Variants in THADA observed in about 807,000 individuals in gnomAD.
THADA encodes the protein tRNA (32-2'-O)-methyltransferase regulator THADA.
A neutral mutation model predicts 219.8 loss-of-function variants in THADA; 213 were observed. The observed-to-expected ratio is 0.97, with a 90% CI of 0.87 to 1.09. The LOEUF is 1.09. THADA is among the 50% of genes least tolerant of loss of function. THADA has a pLI of 0.00. For missense variants in THADA, 2,956 were observed against 2,311.3 expected (o/e 1.28, Z -5.72); for synonymous variants, 1,018 against 828.9 (o/e 1.23, Z -3.92).
Position 43,293,125 on chromosome 2 carries a change from C to T in THADA, c.4527G>A (p.Val1509=), listed in dbSNP as rs756309393. The T allele has an allele frequency of 6.2e-7, 1 of 1,614,002 alleles. No homozygotes were observed. The highest frequency in any genetic ancestry group is 1.7e-5 in the Admixed American group (1 of 60,022). Residue 1509 remains valine (V), a synonymous_variant, in exon 32 of 38, where the codon GTG becomes GTA. Coordinates refer to ENST00000405975, the MANE Select transcript of THADA (RefSeq NM_022065.5). ...LITGFPWAFK[V]PGLPQYLQSL... ...TCTGGAGGTACTGGGGCAGGCCTGG[C>T]ACCTTGAAGGCCCAAGGGAATCCCG...
At chr2:43,376,871 T>A (rs780021972) in intron 29 of THADA, among the ~76,000 whole-genome samples, 1 of 152,166 alleles carries the variant, frequency 6.6e-6, no homozygotes, top group African/African-American at 2.4e-5. Context: ...GCAGCCAACA[T>A]TTCAAGAGCC....
At chr2:43,564,327 G>C (rs1306180779) in intron 15 of THADA, 1 of 152,238 alleles carries the variant, frequency 6.6e-6, no homozygotes, top group South Asian at 2.1e-4. Flanking sequence ...AAATCAAGGT[G>C]TCAGTAGGGC....
intron 26 of THADA, among the ~76,000 whole-genome samples, chr2:43,454,763 A>C (rs1042356009): frequency 6.6e-6 from 1 of 152,220 alleles, no homozygotes; most frequent in South Asian, 2.1e-4. Context: ...ATTTAAAAGA[A>C]AACTTTTAAA....
intron 28 of THADA, among the ~76,000 whole-genome samples, chr2:43,425,468 GTGT>G (rs1678311766): frequency 6.6e-6 from 1 of 151,448 alleles, no homozygotes; most frequent in Non-Finnish European, 1.5e-5. Context: ...GTGTGTGTGT[GTGT>G]GTGTGTGTGT....
chr2:43,347,364 A>C (rs926176582), intron 29 of THADA, among the ~76,000 whole-genome samples: 2 of 152,234 alleles, frequency 1.3e-5, no homozygotes, highest in African/African-American at 2.4e-5. Context: ...CCTCTCTTCC[A>C]GCCCCATTCC....
At chr2:43,449,037 A>G (rs1309549380) in intron 26 of THADA, among the ~76,000 whole-genome samples, 1 of 152,208 alleles carries the variant, frequency 6.6e-6, no homozygotes, top group East Asian at 1.9e-4. Context: ...TAAAACAAGT[A>G]TCTTGAAGCT....
chr2:43,381,517 G>A (rs1025893900), intron 29 of THADA, among the ~76,000 whole-genome samples: 3 of 152,032 alleles, frequency 2.0e-5, no homozygotes, highest in African/African-American at 4.8e-5. Context: ...AAGCTCTATA[G>A]TGGAGAAACC....
At chr2:43,527,602 A>G (rs1160342082) in intron 22 of THADA, among the ~76,000 whole-genome samples, 1 of 152,160 alleles carries the variant, frequency 6.6e-6, no homozygotes, top group Non-Finnish European at 1.5e-5. Flanking sequence ...ATTCAATAAA[A>G]AAAAAACAGT....
intron 31 of THADA, among the ~76,000 whole-genome samples, chr2:43,313,939 C>G (rs1677792975): frequency 6.6e-6 from 1 of 152,252 alleles, no homozygotes; most frequent in Non-Finnish European, 1.5e-5. Context: ...TCTCGCTATG[C>G]CTCAGTTTCT....
chr2:43,576,215 T>C (rs1198380660), intron 10 of THADA, among the ~76,000 whole-genome samples: 1 of 152,232 alleles, frequency 6.6e-6, no homozygotes, highest in Non-Finnish European at 1.5e-5. Flanking sequence ...TTGCATAATA[T>C]AGCTCAAATA....
chr2:43,414,320 T>C (rs1174386666), intron 28 of THADA, among the ~76,000 whole-genome samples: 3 of 152,238 alleles, frequency 2.0e-5, no homozygotes, highest in Non-Finnish European at 4.4e-5. Context: ...AGAAGCTTTA[T>C]TTTAGATTCA....
chr2:43,368,426 T>C (rs1276903153), intron 29 of THADA, among the ~76,000 whole-genome samples: 1 of 152,160 alleles, frequency 6.6e-6, no homozygotes, highest in African/African-American at 2.4e-5. Flanking sequence ...AAAGAGGGTC[T>C]TGCTCTGTCG....
intron 29 of THADA, among the ~76,000 whole-genome samples, chr2:43,359,823 T>TG (rs147636366): frequency 6.6e-6 from 1 of 151,912 alleles, no homozygotes; most frequent in East Asian, 1.9e-4. Flanking sequence ...GGCATCTCCC[T>TG]GTGTTGCCCA....
intron 22 of THADA, among the ~76,000 whole-genome samples, chr2:43,523,093 C>T (rs1317443380): frequency 2.6e-5 from 4 of 152,064 alleles, no homozygotes; most frequent in Admixed American, 6.5e-5. Flanking sequence ...AGGCTGGGCG[C>T]GGTGGCTCAT....
chr2:43,271,021 C>T (rs149274878), intron 36 of THADA, among the ~76,000 whole-genome samples: 3,376 of 152,278 alleles, frequency 0.022, 65 homozygotes, highest in South Asian at 0.087. Context: ...AAAGAGCAGA[C>T]GGGGCTCTGG....
chr2:43,586,805 G>A (rs370996981), intron 5 of THADA, 49 bp downstream of exon 5: 188 of 1,611,258 alleles, frequency 1.2e-4, no homozygotes, highest in Non-Finnish European at 1.5e-4. Context: ...AAACTATGAT[G>A]TGATGAGAGG....
intron 28 of THADA, among the ~76,000 whole-genome samples, chr2:43,421,050 T>C (rs1046629398): frequency 1.3e-5 from 2 of 152,142 alleles, no homozygotes; most frequent in African/African-American, 4.8e-5. Flanking sequence ...ACCATTAGAG[T>C]TTTACTGCTT....
intron 36 of THADA, chr2:43,233,109 C>G (rs1177970766): frequency 7.4e-6 from 4 of 541,472 alleles, no homozygotes; most frequent in African/African-American, 5.7e-5. Flanking sequence ...TTCCATGCCC[C>G]CTAACTCAGT....
intron 36 of THADA, among the ~76,000 whole-genome samples, chr2:43,247,624 G>T (rs1367662069): frequency 6.6e-6 from 1 of 151,452 alleles, no homozygotes; most frequent in African/African-American, 2.4e-5. Flanking sequence ...AGCTACTCGG[G>T]AGGCTGAGGC....
Sources: allele counts gnomAD v4.1 joint callset (sites outside exome capture counted in the v4.1 genomes callset), GRCh38; gene constraint gnomAD v4.1.1; transcripts MANE v1.5; gene names NCBI Gene and HGNC (gene_info 2026-07-23, HGNC 2026-07-21).